CLINT1: variants seen among roughly 807,000 people sequenced by gnomAD.
The protein encoded by CLINT1 is clathrin interactor 1, also known as clathrin interacting protein localized in the trans-Golgi region.
Under a neutral mutation model 70.4 loss-of-function variants are expected in CLINT1, and 15 were observed. That is an observed-to-expected ratio of 0.21 (90% CI 0.14 to 0.33). The LOEUF is 0.33. Ranked by LOEUF, CLINT1 falls within the 10% of genes least tolerant of loss-of-function variation. The pLI is 1.00. For missense variants in CLINT1, 615 were observed against 778.1 expected (o/e 0.79, Z 2.49); for synonymous variants, 227 against 254.7 (o/e 0.89, Z 1.04).
Position 157,791,876 on chromosome 5 carries a change from G to C in CLINT1, c.1207C>G (p.Leu403Val). The change falls in exon 10 of 12, where the codon CTT (leucine) becomes GTT (valine). Residue 403 changes from leucine to valine, a missense_variant. This residue lies in a region of CLINT1 where 374 missense variants were observed against 409.6 expected (regional missense o/e 0.91). Coordinates refer to ENST00000411809, the MANE Select transcript of CLINT1 (RefSeq NM_014666.4). ...FGSASQPAVE[L>V]VSGSQSALGP... ...AGAGCTGATTGTGAGCCACTAACAA[G>C]TTCTACCGCTGGCTGTGAGGCACTG... 1 of 1,613,978 alleles carries C rather than the reference G, an allele frequency of 6.2e-7. No individual in the cohort carries two copies. Among genetic ancestry groups the C allele is most frequent in the Non-Finnish European group, 8.5e-7 (1 of 1,179,876 alleles).
intron 6 of CLINT1, among the ~76,000 whole-genome samples, chr5:157,806,789 A>G (rs954638395): frequency 3.9e-5 from 6 of 152,220 alleles, no homozygotes; most frequent in African/African-American, 1.4e-4. Context: ...TATTTTAAAG[A>G]TAATTCTCCT....
intron 6 of CLINT1, chr5:157,809,289 T>C (rs1451713060): frequency 1.6e-5 from 3 of 187,792 alleles, no homozygotes; most frequent in Non-Finnish European, 3.2e-5. Flanking sequence ...CCCATAGAAG[T>C]GTACAATATA....
chr5:157,789,327 G>A, intron 11 of CLINT1, 36 bp downstream of exon 11: 2 of 1,573,558 alleles, frequency 1.3e-6, no homozygotes, highest in Non-Finnish European at 1.7e-6. Context: ...AAGACTGCAA[G>A]TACACAAAGA....
intron 1 of CLINT1, among the ~76,000 whole-genome samples, chr5:157,856,031 T>A (rs553423235): frequency 1.3e-5 from 2 of 152,364 alleles, no homozygotes; most frequent in East Asian, 3.9e-4. Flanking sequence ...AGTACATTTC[T>A]TTTTCTGAAG....
chr5:157,813,817 A>G (rs1191239850), intron 4 of CLINT1, among the ~76,000 whole-genome samples: 1 of 152,132 alleles, frequency 6.6e-6, no homozygotes, highest in Non-Finnish European at 1.5e-5. Context: ...AGTAAATATT[A>G]TTTGGTGGGA....
In CLINT1 at chr5:157,823,780, C is replaced by T. The variant is rs116667035; in HGVS notation, c.42-6233G>A. ...TTGTAGAATAGGGGTACCCAACCCC[C>T]GGAGTTGCGGACCGGCCTGTTGGGA... On this transcript the variant is annotated intron_variant, in intron 1 of 11. Coordinates refer to ENST00000411809, the MANE Select transcript of CLINT1 (RefSeq NM_014666.4). 3.2e-3 allele frequency: 2,495 copies of T among 782,522 alleles called. 72 individuals are homozygous for T. The African/African-American group carries it at 0.043, about 13-fold the overall frequency. 48.5% of individuals were successfully genotyped at this position (782,522 alleles called of 1,614,324 possible). A position where few individuals can be genotyped will look rare whatever the true frequency, so the allele number is the denominator to read the frequency against.
intron 6 of CLINT1, chr5:157,809,043 T>C (rs370606556): frequency 6.6e-6 from 1 of 152,128 alleles, no homozygotes; most frequent in Non-Finnish European, 1.5e-5. Context: ...ATGGAAAGTA[T>C]GTCAATACTA....
At chr5:157,801,376 G>A (rs922187160) in intron 8 of CLINT1, among the ~76,000 whole-genome samples, 3 of 150,674 alleles carry the variant, frequency 2.0e-5, no homozygotes, top group Non-Finnish European at 3.0e-5. Context: ...GCGTGGTGGC[G>A]CATGCCTGAA....
At chr5:157,805,497 T>C (rs1252393814) in intron 7 of CLINT1, among the ~76,000 whole-genome samples, 1 of 152,220 alleles carries the variant, frequency 6.6e-6, no homozygotes, top group East Asian at 1.9e-4. Context: ...TATCTCTTCT[T>C]ACTCCCTCGT....
intron 1 of CLINT1, among the ~76,000 whole-genome samples, chr5:157,834,840 T>C (rs1392943010): frequency 6.6e-6 from 1 of 152,230 alleles, no homozygotes; most frequent in Non-Finnish European, 1.5e-5. Context: ...TGTATGAATT[T>C]ATTTTAATTA....
At chr5:157,839,636 CAG>C (rs1290813581) in intron 1 of CLINT1, among the ~76,000 whole-genome samples, 2 of 146,848 alleles carry the variant, frequency 1.4e-5, no homozygotes, top group East Asian at 4.0e-4. Context: ...CAAAAAAAAA[CAG>C]AACTTTGTCC....
chr5:157,817,187 G>A (rs527854999), intron 2 of CLINT1, among the ~76,000 whole-genome samples: 10 of 152,144 alleles, frequency 6.6e-5, no homozygotes, highest in South Asian at 4.1e-4. Context: ...ATTTTACATG[G>A]TGAGCTACAG....
chr5:157,830,814 A>C (rs969996540), intron 1 of CLINT1, among the ~76,000 whole-genome samples: 1 of 149,110 alleles, frequency 6.7e-6, no homozygotes, highest in Non-Finnish European at 1.5e-5. Context: ...ATATATATAT[A>C]TAGAAACACA....
chr5:157,830,754 CTCCCTCTCT>C (rs1561662702), intron 1 of CLINT1, among the ~76,000 whole-genome samples: 2 of 109,448 alleles, frequency 1.8e-5, no homozygotes, highest in African/African-American at 3.8e-5. Flanking sequence ...CTCCCTCTCT[CTCCCTCTCT>C]CTCTCTCTCT....
intron 1 of CLINT1, among the ~76,000 whole-genome samples, chr5:157,825,828 C>T (rs1323906106): frequency 6.6e-6 from 1 of 152,030 alleles, no homozygotes; most frequent in African/African-American, 2.4e-5. Flanking sequence ...CTGACTAATG[C>T]TGGCCTTCAA....
chr5:157,810,640 TAC>T (rs1443871951), intron 5 of CLINT1, among the ~76,000 whole-genome samples: 2 of 152,202 alleles, frequency 1.3e-5, no homozygotes, highest in Non-Finnish European at 2.9e-5. Flanking sequence ...ACATAGGAAT[TAC>T]AGACACAAAA....
chr5:157,850,125 C>T (rs997056223), intron 1 of CLINT1, among the ~76,000 whole-genome samples: 2 of 152,182 alleles, frequency 1.3e-5, no homozygotes, highest in East Asian at 3.8e-4. Context: ...AGAGCCAGAT[C>T]TGTACAGGCA....
At chr5:157,801,811 T>C (rs2113161859) in intron 8 of CLINT1, among the ~76,000 whole-genome samples, 1 of 152,210 alleles carries the variant, frequency 6.6e-6, no homozygotes, top group South Asian at 2.1e-4. Context: ...GAGGAAATAA[T>C]AGGGGGCTTT....
At chr5:157,824,534 T>C (rs1291497732) in intron 1 of CLINT1, among the ~76,000 whole-genome samples, 2 of 152,060 alleles carry the variant, frequency 1.3e-5, no homozygotes, top group African/African-American at 4.8e-5. Flanking sequence ...GAAAATGAAA[T>C]ACAATGCAAT....
Sources: gnomAD v4.1 joint callset for allele counts (sites outside exome capture counted in the v4.1 genomes callset) on GRCh38, gnomAD v4.1.1 for gene constraint, gnomAD v4.1.1 regional missense constraint, MANE v1.5 for transcripts, NCBI Gene and HGNC (gene_info 2026-07-23, HGNC 2026-07-21) for gene names.